Variants in PKN3 observed in about 807,000 individuals in gnomAD.
PKN3 encodes serine/threonine-protein kinase N3.
In PKN3, 91 loss-of-function variants were observed where a neutral mutation model predicts 113.1. The observed-to-expected ratio is 0.80, with a 90% CI of 0.68 to 0.96. PKN3 has a LOEUF of 0.96. PKN3 is among the 40% of genes least tolerant of loss of function. PKN3 has a pLI of 0.00. For missense variants in PKN3, 1,052 were observed against 1,202.2 expected, an observed-to-expected ratio of 0.88 and a Z score of 1.85; for synonymous variants, 467 against 499.0, an observed-to-expected ratio of 0.94 and a Z score of 0.85.
chr9:128,718,243 G>A lies in PKN3; in HGVS notation c.1986-82G>A, dbSNP rs1027109505. On this transcript the variant is annotated intron_variant, in intron 16 of 21. Transcript: ENST00000291906. The stretch of plus-strand genomic sequence containing the variant: ...TGGCCGGGACATCCGGGATCCCCCC[G>A]CTATGGCCATCCTGGTGCCTCCCTG... 24 of 1,057,246 alleles carry A rather than the reference G, an allele frequency of 2.3e-5. No homozygotes were observed. The East Asian group carries it at 3.8e-4, about 17-fold the overall frequency. The allele number at this position is 1,057,246 out of a possible 1,614,324, so 65.5% of individuals were successfully genotyped here. A position where few individuals can be genotyped will look rare whatever the true frequency, so the allele number is the denominator to read the frequency against.
chr9:128,705,801 G>A lies in PKN3; in HGVS notation c.333G>A (p.Arg111=). 3.1e-6 allele frequency: 5 copies of A among 1,608,724 alleles called. No individual in the cohort carries two copies. Among genetic ancestry groups the A allele is most frequent in the Non-Finnish European group, 4.2e-6 (5 of 1,177,702 alleles). Residue 111 remains arginine, a synonymous_variant, in exon 3 of 22, where the codon CGG becomes CGA. Transcript: ENST00000291906. The stretch of plus-strand genomic sequence containing the variant: ...GGGCTCGGCACCTAGAGGCTCTCCG[G>A]AGGCAGCTGCATGTGGAGCTGAAGG... ...QLRARHLEAL[R]RQLHVELKVK... is the part of the protein sequence containing the mutation.
intron 16 of PKN3, among the ~76,000 whole-genome samples, chr9:128,717,766 T>A: frequency 7.8e-6 from 1 of 127,748 alleles, no homozygotes; most frequent in Non-Finnish European, 1.6e-5. Flanking sequence ...ATGCCTGTAA[T>A]CCCCACACTT....
In PKN3 at chr9:128,719,798, T is replaced by G. The variant is rs763562104; in HGVS notation, c.2238T>G (p.Gly746=). 1 of 1,605,226 alleles carries G rather than the reference T, an allele frequency of 6.2e-7. No homozygotes were observed. Among genetic ancestry groups the G allele is most frequent in the Non-Finnish European group, 8.5e-7 (1 of 1,175,646 alleles). ...GGGCTGTGGACTGGTGGGGGCTGGG[T>G]GTGCTGCTCTACGAGATGCTGGTGG... ...YTRAVDWWGL[G]VLLYEMLVGE... The change falls in exon 19 of 22, where the codon GGT becomes GGG. Residue 746 remains glycine, a synonymous_variant. Transcript: ENST00000291906.
chr9:128,709,283 CAA>C (rs201650390), intron 6 of PKN3, among the ~76,000 whole-genome samples: 2 of 26,844 alleles, frequency 7.5e-5, no homozygotes, highest in African/African-American at 9.4e-5. Flanking sequence ...GACTCTGTCT[CAA>C]AAAAAAATAA....
chr9:128,718,446 A>G (rs1862410865), intron 17 of PKN3, 59 bp downstream of exon 17: 1 of 1,579,334 alleles, frequency 6.3e-7, no homozygotes, highest in Non-Finnish European at 8.7e-7. Flanking sequence ...GGAGTGGGTA[A>G]GGACAGATGC....
intron 6 of PKN3, among the ~76,000 whole-genome samples, chr9:128,712,468 A>G (rs1862208264): frequency 6.6e-6 from 1 of 152,064 alleles, no homozygotes. Context: ...GCTGGGACTC[A>G]CCTCCACTGT....
chr9:128,717,117 C>CTTTTTTTTTTTTTTTTTT (rs34182369), intron 16 of PKN3, among the ~76,000 whole-genome samples, 194 bp downstream of exon 16: 570 of 24,378 alleles, frequency 0.023, 240 homozygotes, highest in East Asian at 0.055. Flanking sequence ...CATTAGGTTT[C>CTTTTTTTTTTTTTTTTTT]TTTTTTTTTT....
At chr9:128,714,500 G>C in intron 11 of PKN3, 62 bp from the exon 12 acceptor site, 2 of 1,000,528 alleles carry the variant, frequency 2.0e-6, no homozygotes, top group Non-Finnish European at 3.2e-6. Flanking sequence ...GGGTTGGTGT[G>C]TCCATCCTGC....
chr9:128,718,751 A>G, intron 18 of PKN3, 126 bp downstream of exon 18: 1 of 854,848 alleles, frequency 1.2e-6, no homozygotes, highest in Non-Finnish European at 1.9e-6. Context: ...CCACCACCCC[A>G]GACCTCATTC....
chr9:128,720,421 C>T lies in PKN3; in HGVS notation c.2485C>T (p.Arg829Cys), dbSNP rs1454614362. 5 of 1,613,272 alleles carry T rather than the reference C, an allele frequency of 3.1e-6. No individual in the cohort carries two copies. Among genetic ancestry groups the T allele is most frequent in the South Asian group, 2.2e-5 (2 of 91,072 alleles). The change falls in exon 22 of 22, where the codon CGC becomes TGC. Residue 829 changes from arginine to cysteine, a missense_variant. Transcript: ENST00000291906. The surrounding 1 kb of genome is among the most constrained non-coding windows in gnomAD (Gnocchi z 5.5). ...RTTNWQALLA[R>C]TIQPPFVPTL... is the part of the protein sequence containing the mutation. ...CACCAACTGGCAAGCCCTGCTCGCC[C>T]GCACCATCCAGCCCCCCTTCGTGCC...
In PKN3 at chr9:128,714,050, C is replaced by A. The variant is rs766620262; in HGVS notation, c.1241C>A (p.Thr414Asn). 4.3e-6 allele frequency: 7 copies of A among 1,613,968 alleles called. No homozygotes were observed. The Admixed American group carries it at 1.0e-4, about 23-fold the overall frequency. The change falls in exon 10 of 22, where the codon ACC becomes AAC. Residue 414 changes from threonine (T) to asparagine (N), a missense_variant. Transcript: ENST00000291906. ...VPQGLLFAQV[T>N]FCDPVIERRP... ...ACCCTGCCCCTACCCCTGCAGGTGA[C>A]CTTCTGCGATCCTGTCATTGAGAGG...
intron 18 of PKN3, 47 bp downstream of exon 18, chr9:128,718,672 C>A (rs536307213): frequency 6.4e-7 from 1 of 1,558,782 alleles, no homozygotes; most frequent in South Asian, 1.1e-5. Flanking sequence ...TGTTTACCCA[C>A]CCTGGCCAAT....
At chr9:128,716,983 ACTCT>A in intron 16 of PKN3, 60 bp downstream of exon 16, 1 of 1,415,556 alleles carries the variant, frequency 7.1e-7, no homozygotes, top group Non-Finnish European at 9.9e-7. Context: ...CCCTACACCC[ACTCT>A]CTACATACTG....
chr9:128,705,186 C>T (rs111373073), intron 1 of PKN3, 117 bp from the exon 2 acceptor site: 22 of 1,316,012 alleles, frequency 1.7e-5, no homozygotes, highest in Non-Finnish European at 2.3e-5. Flanking sequence ...AAACCCTGTG[C>T]GAGTCAGTCC....
rs777855119 is a variant in PKN3, at chr9:128,720,412, C to T, written c.2476C>T (p.Leu826=). The part of the protein sequence containing the change: ...PFFRTTNWQA[L]LARTIQPPFV... ...CCCTCAGACCACCAACTGGCAAGCC[C>T]TGCTCGCCCGCACCATCCAGCCCCC... Residue 826 remains leucine (L), a synonymous_variant, in exon 22 of 22, where the codon CTG becomes TTG. Transcript: ENST00000291906. This position sits in a 1 kb window ranked among gnomAD's most constrained non-coding sequence, Gnocchi z 5.5. The T allele has an allele frequency of 6.2e-7, 1 of 1,613,082 alleles. No homozygotes were observed.
intron 6 of PKN3, among the ~76,000 whole-genome samples, chr9:128,712,198 C>T (rs1862201190): frequency 6.6e-6 from 1 of 152,250 alleles, no homozygotes; most frequent in South Asian, 2.1e-4. Flanking sequence ...GCATGAGCCA[C>T]TGCGCCCGGC....
Position 128,715,404 on chromosome 9 carries a change from C to G in PKN3, c.1752C>G (p.Tyr584Ter). The G allele has an allele frequency of 6.2e-7, 1 of 1,614,074 alleles. No individual in the cohort carries two copies. Among genetic ancestry groups the G allele is most frequent in the Non-Finnish European group, 8.5e-7 (1 of 1,179,992 alleles). ...TCCAGTTCAAGGGGACAGGGAAATA[C>G]TACGCCATCAAAGCACTGAAGAAGC... ...LLVQFKGTGK[Y>*]YAIKALKKQE... The change falls in exon 15 of 22, where the codon TAC becomes TAG. Residue 584 changes from tyrosine to a stop codon, truncating the protein, a stop_gained. Transcript: ENST00000291906. LOFTEE classifies it high-confidence loss of function. The surrounding 1 kb of genome is among the most constrained non-coding windows in gnomAD (Gnocchi z 4.1).
At position 128,719,780 on chromosome 9, in the gene PKN3, G is replaced by C; in HGVS notation, c.2220G>C (p.Val740=). Residue 740 remains valine (V), a synonymous_variant, in exon 19 of 22, where the codon GTG becomes GTC. Transcript: ENST00000291906. ...CCCAGGAGGCATACACACGGGCTGT[G>C]GACTGGTGGGGGCTGGGTGTGCTGC... ...VLTQEAYTRA[V]DWWGLGVLLY... is the part of the protein sequence containing the mutation. 1 of 1,607,876 alleles carries C rather than the reference G, an allele frequency of 6.2e-7. No homozygotes were observed. The highest frequency in any genetic ancestry group is 8.5e-7 in the Non-Finnish European group (1 of 1,176,378).
At position 128,714,364 on chromosome 9, in the gene PKN3, A is replaced by G. The variant is rs1862275801; in HGVS notation, c.1480A>G (p.Ser494Gly). Residue 494 changes from serine (S) to glycine (G), a missense_variant and splice_region_variant, in exon 11 of 22, where the codon AGT becomes GGT. This residue lies in a region of PKN3 where 719 missense variants were observed against 759.4 expected (regional missense o/e 0.95). Coordinates refer to ENST00000291906, the MANE Select transcript of PKN3 (RefSeq NM_013355.5). ...AGAGGCCTCTGACCCTGCCACTCCC[A>G]GGTGAGGAGCTCCCTTGCCCTAGAC... The part of the protein sequence containing the change: ...LREASDPATP[S>G]NFLPKKTPLG... 1.3e-6 allele frequency: 2 copies of G among 1,598,232 alleles called. No homozygotes were observed. The highest frequency in any genetic ancestry group is 1.7e-6 in the Non-Finnish European group (2 of 1,171,108).
Sources: allele counts gnomAD v4.1 joint callset (sites outside exome capture counted in the v4.1 genomes callset), GRCh38; gene constraint gnomAD v4.1.1; regional missense constraint gnomAD v4.1.1; non-coding constraint Gnocchi (gnomAD v3.1); transcripts MANE v1.5; gene names NCBI Gene and HGNC (gene_info 2026-07-23, HGNC 2026-07-21).